Variants in VWC2L observed in about 807,000 individuals in gnomAD.
VWC2L encodes von Willebrand factor C domain-containing protein 2-like.
Under a neutral mutation model 21.6 loss-of-function variants are expected in VWC2L, and 10 were observed. That is an observed-to-expected ratio of 0.46 (90% CI 0.29 to 0.78). The LOEUF (loss-of-function observed/expected upper bound fraction) is 0.78, where lower values mean the gene tolerates loss of function less well. Ranked by LOEUF, VWC2L falls within the 30% of genes least tolerant of loss-of-function variation. VWC2L has a pLI of 0.10. For synonymous variants in VWC2L, 96 were observed against 94.3 expected, an observed-to-expected ratio of 1.02 and a Z score of -0.10; for missense variants, 209 against 277.1, an observed-to-expected ratio of 0.75 and a Z score of 1.74.
intron 3 of VWC2L, among the ~76,000 whole-genome samples, chr2:214,443,948 A>G (rs1414701204): frequency 6.6e-6 from 1 of 152,156 alleles, no homozygotes; most frequent in Admixed American, 6.6e-5. Flanking sequence ...AAAATTGACA[A>G]AAACTACTAT....
chr2:214,568,046 C>T (rs762167167), intron 3 of VWC2L, among the ~76,000 whole-genome samples: 5 of 152,110 alleles, frequency 3.3e-5, no homozygotes, highest in Non-Finnish European at 7.3e-5. Context: ...AAGTACTCAA[C>T]CGAGGAAACG....
chr2:214,448,504 C>T (rs891746123), intron 3 of VWC2L, among the ~76,000 whole-genome samples: 2 of 152,116 alleles, frequency 1.3e-5, no homozygotes, highest in Non-Finnish European at 2.9e-5. Context: ...TTAGCCTGCA[C>T]ATATTAACTG....
In VWC2L at chr2:214,575,867, C is replaced by T. The variant is rs779677244; in HGVS notation, c.*47C>T. 1 of 1,576,104 alleles carries T rather than the reference C, an allele frequency of 6.3e-7. No individual in the cohort carries two copies. The highest frequency in any genetic ancestry group is 1.7e-5 in the Admixed American group (1 of 58,220). ...GAGTTCTTAGGAAAGGATGCTATGGCTTCAACACTGCACATGTTTAACACA... is the reference window on the plus strand; with the variant it reads ...GAGTTCTTAGGAAAGGATGCTATGGTTTCAACACTGCACATGTTTAACACA... On this transcript the variant is annotated 3_prime_UTR_variant, in exon 4 of 4. Coordinates refer to ENST00000312504, the MANE Select transcript of VWC2L (RefSeq NM_001080500.4).
At chr2:214,554,801 G>A (rs1450895161) in intron 3 of VWC2L, among the ~76,000 whole-genome samples, 1 of 152,082 alleles carries the variant, frequency 6.6e-6, no homozygotes, top group Non-Finnish European at 1.5e-5. Flanking sequence ...CCTTACTCTA[G>A]AATAGTATGA....
intron 2 of VWC2L, among the ~76,000 whole-genome samples, chr2:214,430,296 G>A (rs571280530): frequency 1.1e-4 from 17 of 152,110 alleles, no homozygotes; most frequent in Non-Finnish European, 2.2e-4. Flanking sequence ...TTAGCTCAGA[G>A]TGCATGCAAA....
chr2:214,483,678 C>T (rs554950755), intron 3 of VWC2L, among the ~76,000 whole-genome samples: 1 of 152,140 alleles, frequency 6.6e-6, no homozygotes, highest in Non-Finnish European at 1.5e-5. Context: ...AATAACAGTA[C>T]GTGTGCTTGT....
chr2:214,556,159 C>T (rs1689869661), intron 3 of VWC2L, among the ~76,000 whole-genome samples: 1 of 152,178 alleles, frequency 6.6e-6, no homozygotes, highest in Admixed American at 6.5e-5. Context: ...ACTCAGGGGG[C>T]TGAGGCAGGA....
chr2:214,446,701 T>C (rs1489672314), intron 3 of VWC2L, among the ~76,000 whole-genome samples: 1 of 152,158 alleles, frequency 6.6e-6, no homozygotes. Context: ...ATGTTTGAAA[T>C]GTTGAGTCCA....
At chr2:214,513,515 A>C (rs886875992) in intron 3 of VWC2L, among the ~76,000 whole-genome samples, 1 of 152,142 alleles carries the variant, frequency 6.6e-6, no homozygotes. Flanking sequence ...AAACATTCGT[A>C]ACGTGGCAGA....
chr2:214,504,619 A>G (rs531152874), intron 3 of VWC2L, among the ~76,000 whole-genome samples: 26 of 152,358 alleles, frequency 1.7e-4, no homozygotes, highest in Admixed American at 6.5e-4. Flanking sequence ...ATCGTACCCC[A>G]GTATAAATAG....
chr2:214,577,331 C>G lies in VWC2L; in HGVS notation c.*1511C>G, dbSNP rs1414976317. ...TCTTAGTAGGATTGACATTTGGGGC[C>G]AGATCATTATTCGTTGGTGGGGGCT... is the stretch of plus-strand genomic sequence containing the variant. On this transcript the variant is annotated 3_prime_UTR_variant, in exon 4 of 4. Transcript: ENST00000312504. 3 of 152,212 alleles carry G rather than the reference C, an allele frequency of 2.0e-5. No individual in the cohort carries two copies. Among genetic ancestry groups the G allele is most frequent in the Non-Finnish European group, 1.5e-5 (1 of 68,098 alleles). The allele number at this position is 152,212 out of a possible 1,614,324, so 9.4% of individuals were successfully genotyped here.
At chr2:214,574,984 AAAT>A (rs1690206048) in intron 3 of VWC2L, among the ~76,000 whole-genome samples, 1 of 151,010 alleles carries the variant, frequency 6.6e-6, no homozygotes, top group Non-Finnish European at 1.5e-5. Context: ...TCAAAAAGTA[AAAT>A]AAAATTCCTG....
intron 3 of VWC2L, among the ~76,000 whole-genome samples, chr2:214,457,460 G>A (rs574170217): frequency 1.1e-4 from 16 of 152,052 alleles, no homozygotes; most frequent in Admixed American, 4.6e-4. Flanking sequence ...TGACTCTCCC[G>A]TATCCAATTT....
chr2:214,433,159 G>GATATATATATATATATATATAT lies in VWC2L; in HGVS notation c.391-3467_391-3446dup, dbSNP rs5838434. 4.6e-3 allele frequency among the ~76,000 whole-genome samples: 612 copies of GATATATATATATATATATATAT among 132,668 alleles called. 4 individuals carry two copies. The highest frequency in any genetic ancestry group is 0.011 in the South Asian group (44 of 4,072). 87.0% of individuals were successfully genotyped at this position (132,668 alleles called of 152,430 possible). On this transcript the variant is annotated intron_variant, in intron 2 of 3. Transcript: ENST00000312504. The stretch of plus-strand genomic sequence containing the variant: ...GATATATTAACTGCTCAAGCCACCT[G>GATATATATATATATATATATAT]ATATATATATATATATATATATATT...
intron 3 of VWC2L, among the ~76,000 whole-genome samples, chr2:214,463,592 T>C (rs1703173361): frequency 6.6e-6 from 1 of 152,182 alleles, no homozygotes; most frequent in Admixed American, 6.5e-5. Context: ...GGTTTAAATT[T>C]ATCAGTTTAA....
At chr2:214,414,730 A>G in intron 2 of VWC2L, 147 bp downstream of exon 2, 1 of 853,764 alleles carries the variant, frequency 1.2e-6, no homozygotes, top group Admixed American at 3.2e-5. Flanking sequence ...CATAAGTAGC[A>G]CCATGGTCAA....
At chr2:214,475,705 T>C (rs1471084185) in intron 3 of VWC2L, among the ~76,000 whole-genome samples, 7 of 151,832 alleles carry the variant, frequency 4.6e-5, no homozygotes, top group Non-Finnish European at 1.0e-4. Flanking sequence ...ACCGGAAATC[T>C]GATTTTTAAG....
chr2:214,456,770 A>G (rs1282353796), intron 3 of VWC2L, among the ~76,000 whole-genome samples: 2 of 151,978 alleles, frequency 1.3e-5, no homozygotes, highest in African/African-American at 4.8e-5. Context: ...GAAAGACACT[A>G]GTTTTATTCT....
At chr2:214,417,053 A>C (rs1042412236) in intron 2 of VWC2L, among the ~76,000 whole-genome samples, 4 of 152,116 alleles carry the variant, frequency 2.6e-5, no homozygotes, top group African/African-American at 9.7e-5. Flanking sequence ...GAACCATACA[A>C]CTCTAAGTAA....
Sources: gnomAD v4.1 joint callset for allele counts (sites outside exome capture counted in the v4.1 genomes callset) on GRCh38, gnomAD v4.1.1 for gene constraint, MANE v1.5 for transcripts, NCBI Gene and HGNC (gene_info 2026-07-23, HGNC 2026-07-21) for gene names.